Variants in EIF3A observed in about 807,000 individuals in gnomAD.
The protein encoded by EIF3A is eukaryotic translation initiation factor 3 subunit A.
In EIF3A, 21 loss-of-function variants were observed where a neutral mutation model predicts 186.6. The ratio of observed to expected loss-of-function variants is 0.11; its 90% confidence interval spans 0.08 to 0.16. The LOEUF is 0.16. Among genes scored for constraint, EIF3A ranks in the 10% least tolerant of loss-of-function variants. EIF3A has a pLI of 1.00. For missense variants in EIF3A, 1,306 were observed against 1,796.3 expected, an observed-to-expected ratio of 0.73 and a Z score of 4.93; for synonymous variants, 563 against 584.3, an observed-to-expected ratio of 0.96 and a Z score of 0.52.
rs548083661 is a variant in EIF3A at position 119,037,128 on chromosome 10, G to A, written c.3910C>T (p.Arg1304Cys). The A allele has an allele frequency of 1.0e-5, 16 of 1,585,594 alleles. No individual in the cohort carries two copies. The highest frequency in any genetic ancestry group is 1.3e-5 in the Non-Finnish European group (15 of 1,167,088). Reference protein sequence around the residue: ...DRRGPPLRSEREEVSSWRRAD... With the variant: ...DRRGPPLRSECEEVSSWRRAD... ...TATGTAACCTCTATACCTTCTTCAC[G>A]TTCTGATCTGAGTGGAGGTCCTCTT... Residue 1304 changes from arginine (R) to cysteine (C), a missense_variant, in exon 21 of 22, where the codon CGT becomes TGT. Coordinates refer to ENST00000369144, the MANE Select transcript of EIF3A (RefSeq NM_003750.4).
At position 119,080,611 on chromosome 10, in the gene EIF3A, C is replaced by T; in HGVS notation, c.49+17G>A. ...CTCGGGCCGCCCCAGCCCGGCGCGC[C>T]CCGATCAGCTACTCACCGTTGGCGC... is the stretch of plus-strand genomic sequence containing the variant. On this transcript the variant is annotated intron_variant, in intron 1 of 21. Coordinates refer to ENST00000369144, the MANE Select transcript of EIF3A (RefSeq NM_003750.4). The T allele has an allele frequency of 1.3e-6, 2 of 1,576,732 alleles. No individual in the cohort carries two copies. Among genetic ancestry groups the T allele is most frequent in the Non-Finnish European group, 1.7e-6 (2 of 1,164,152 alleles).
chr10:119,051,355 CTT>C, intron 14 of EIF3A, 34 bp from the exon 15 acceptor site: 15 of 1,360,758 alleles, frequency 1.1e-5, no homozygotes, highest in Admixed American at 4.9e-5. Context: ...TTTCAATGCA[CTT>C]TTTTTTTTAC....
intron 1 of EIF3A, among the ~76,000 whole-genome samples, chr10:119,078,652 G>C (rs1014707327): frequency 2.0e-5 from 3 of 151,984 alleles, no homozygotes; most frequent in African/African-American, 7.3e-5. Flanking sequence ...AGCTTCAAAG[G>C]GCTGCAAGGG....
In EIF3A at chr10:119,054,362, T is replaced by C. The variant is rs185572060; in HGVS notation, c.2196+2378A>G. Among the ~76,000 whole-genome samples the C allele has an allele frequency of 5.9e-5, 9 of 152,210 alleles. No individual in the cohort carries two copies. In the East Asian group the frequency reaches 1.7e-3, roughly 29 times the overall value. ...AATGAAACTTTTTCCATATCAGCAA[T>C]AAGGCTGTTTCACTTTCTCACTGTT... is the stretch of plus-strand genomic sequence containing the variant. On this transcript the variant is annotated intron_variant, in intron 14 of 21. Transcript: ENST00000369144.
At chr10:119,041,476 G>C (rs544293733) in intron 19 of EIF3A, among the ~76,000 whole-genome samples, 1 of 152,286 alleles carries the variant, frequency 6.6e-6, no homozygotes, top group Admixed American at 6.5e-5. Context: ...GAAGGCTGAA[G>C]TGGGAGGCTC....
At chr10:119,059,876 C>G (rs1458004150) in intron 9 of EIF3A, 158 bp from the exon 10 acceptor site, 9 of 667,782 alleles carry the variant, frequency 1.3e-5, no homozygotes, top group Middle Eastern at 8.3e-4. Flanking sequence ...ACCATCGACT[C>G]TAAACTCCAT....
In EIF3A at chr10:119,037,416, C is replaced by T. The variant is rs529002088; in HGVS notation, c.3729-107G>A. 72 of 986,098 alleles carry T rather than the reference C, an allele frequency of 7.3e-5. No homozygotes were observed. In the African/African-American group the frequency reaches 1.0e-3, roughly 14 times the overall value. 61.1% of individuals were successfully genotyped at this position (986,098 alleles called of 1,614,324 possible). Reference sequence around the variant, plus strand: ...GCTTAGAGTTTACAAATATAACAGACAGTTTAAACTCATAACCTGACCTTA... The same window carrying T: ...GCTTAGAGTTTACAAATATAACAGATAGTTTAAACTCATAACCTGACCTTA... On this transcript the variant is annotated intron_variant, in intron 20 of 21. Coordinates refer to ENST00000369144, the MANE Select transcript of EIF3A (RefSeq NM_003750.4).
chr10:119,057,529 A>G (rs1317669509), intron 12 of EIF3A, among the ~76,000 whole-genome samples: 2 of 152,144 alleles, frequency 1.3e-5, no homozygotes, highest in African/African-American at 4.8e-5. Context: ...AACCCCAGCA[A>G]TTTGGGAGGC....
intron 21 of EIF3A, among the ~76,000 whole-genome samples, chr10:119,036,876 G>A (rs1306819534): frequency 6.6e-6 from 1 of 152,022 alleles, no homozygotes; most frequent in Non-Finnish European, 1.5e-5. Context: ...TTTTTATTAA[G>A]TAAACTTTAT....
chr10:119,058,838 G>A (rs887313072), intron 11 of EIF3A, among the ~76,000 whole-genome samples: 2 of 152,110 alleles, frequency 1.3e-5, no homozygotes, highest in African/African-American at 2.4e-5. Flanking sequence ...AGCCGAGATG[G>A]CATCACTGCA....
rs879404862 is a variant in EIF3A at position 119,065,976 on chromosome 10, C to T, written c.951-406G>A. Among the ~76,000 whole-genome samples the T allele has an allele frequency of 4.6e-5, 7 of 151,900 alleles. No individual in the cohort carries two copies. The East Asian group carries it at 5.8e-4, about 13-fold the overall frequency. The stretch of plus-strand genomic sequence containing the variant: ...CTAAAAATACAAAAAATTAGCCAGG[C>T]GTAGTGGTGGGCGCCTGTAGTCCCA... On this transcript the variant is annotated intron_variant, in intron 6 of 21. Transcript: ENST00000369144.
chr10:119,063,202 T>C (rs1296620585), intron 7 of EIF3A, among the ~76,000 whole-genome samples: 2 of 152,140 alleles, frequency 1.3e-5, no homozygotes, highest in African/African-American at 2.4e-5. Flanking sequence ...CTTTATTACA[T>C]TGAGTCCTAC....
chr10:119,070,536 T>C (rs1325711665), intron 5 of EIF3A, among the ~76,000 whole-genome samples: 1 of 146,718 alleles, frequency 6.8e-6, no homozygotes, highest in Non-Finnish European at 1.5e-5. Flanking sequence ...TAAGAAACTT[T>C]GCATATGCTT....
chr10:119,051,732 T>C (rs1359551942), intron 14 of EIF3A, among the ~76,000 whole-genome samples: 3 of 152,180 alleles, frequency 2.0e-5, no homozygotes, highest in Non-Finnish European at 4.4e-5. Flanking sequence ...TACAATAGCA[T>C]GTCTAAAACA....
intron 4 of EIF3A, among the ~76,000 whole-genome samples, chr10:119,072,101 G>T (rs1470297958): frequency 6.8e-6 from 1 of 147,914 alleles, no homozygotes; most frequent in African/African-American, 2.5e-5. Flanking sequence ...TGTAATCCCA[G>T]CACTTTGGGA....
intron 6 of EIF3A, among the ~76,000 whole-genome samples, chr10:119,069,209 G>A (rs1219800678): frequency 5.2e-5 from 2 of 38,524 alleles, no homozygotes; most frequent in Admixed American, 4.9e-4. Context: ...GTCTTGAGAC[G>A]TCTTAATAGT....
rs1848119562 is a variant in EIF3A, at chr10:119,035,765, AATTT to A, written c.*270_*273del. ...TCAATACCTGAAGGGTCACATTTTA[AATTT>A]ATTTTTTAGTTTTTCTTTTTTGTCA... On this transcript the variant is annotated 3_prime_UTR_variant, in exon 22 of 22. Transcript: ENST00000369144. 1 of 351,196 alleles carries A rather than the reference AATTT, an allele frequency of 2.8e-6. No individual in the cohort carries two copies. The highest frequency in any genetic ancestry group is 5.1e-6 in the Non-Finnish European group (1 of 194,404). 21.8% of individuals were successfully genotyped at this position (351,196 alleles called of 1,614,324 possible).
At chr10:119,068,895 C>A (rs1844025516) in intron 6 of EIF3A, among the ~76,000 whole-genome samples, 1 of 146,134 alleles carries the variant, frequency 6.8e-6, no homozygotes, top group South Asian at 2.2e-4. Context: ...ATCGCTTGAA[C>A]CCAGCAGGCA....
intron 6 of EIF3A, among the ~76,000 whole-genome samples, chr10:119,068,576 TG>T (rs1844016993): frequency 6.6e-6 from 1 of 152,198 alleles, no homozygotes; most frequent in African/African-American, 2.4e-5. Flanking sequence ...CTCAGGAAGC[TG>T]AGGCAGGAGA....
Sources: gnomAD v4.1 joint callset for allele counts (sites outside exome capture counted in the v4.1 genomes callset) on GRCh38, gnomAD v4.1.1 for gene constraint, MANE v1.5 for transcripts, NCBI Gene and HGNC (gene_info 2026-07-23, HGNC 2026-07-21) for gene names.